EXD1: variants seen among roughly 807,000 people sequenced by gnomAD.
EXD1 encodes the protein piRNA biogenesis protein EXD1.
EXD1 carries 63 observed loss-of-function variants against 49.1 expected under a neutral mutation model. The ratio of observed to expected loss-of-function variants is 1.28; its 90% CI spans 1.05 to 1.58. The LOEUF is 1.58. Among genes scored for constraint, EXD1 ranks in the 40% most tolerant of loss-of-function variants. EXD1 has a pLI of 0.00. For missense variants in EXD1, 748 were observed against 666.0 expected, an observed-to-expected ratio of 1.12 and a Z score of -1.36; for synonymous variants, 234 against 239.2, an observed-to-expected ratio of 0.98 and a Z score of 0.20.
intron 7 of EXD1, among the ~76,000 whole-genome samples, chr15:41,199,999 C>T (rs973534124): frequency 6.6e-6 from 1 of 150,764 alleles, no homozygotes; most frequent in Non-Finnish European, 1.5e-5. Context: ...TGCCTTCTGG[C>T]TTCAAGTGAT....
intron 2 of EXD1, among the ~76,000 whole-genome samples, chr15:41,221,172 G>T (rs751985720): frequency 6.2e-4 from 95 of 152,270 alleles, no homozygotes; most frequent in Admixed American, 8.5e-4. Context: ...CAATTATGGA[G>T]GACTCTGAGG....
intron 7 of EXD1, among the ~76,000 whole-genome samples, chr15:41,201,466 T>C (rs1445791101): frequency 6.6e-5 from 10 of 150,558 alleles, no homozygotes; most frequent in Admixed American, 4.8e-4. Flanking sequence ...ATCAATTTTA[T>C]ATAATTTAAG....
chr15:41,191,713 T>C lies in EXD1; in HGVS notation c.721-128A>G, dbSNP rs1031629428. ...AGGACCCACACGATAGACCATGTCA[T>C]CGGAAAATTTAAAGTTGTTCAGCCA... On this transcript the variant is annotated intron_variant, in intron 9 of 11. Coordinates refer to ENST00000458580, the MANE Select transcript of EXD1 (RefSeq NM_001286441.2). The C allele has an allele frequency of 4.8e-5, 40 of 831,672 alleles. No individual in the cohort carries two copies. In the African/African-American group the frequency reaches 6.8e-4, roughly 14 times the overall value. 51.5% of individuals were successfully genotyped at this position (831,672 alleles called of 1,614,324 possible).
intron 7 of EXD1, among the ~76,000 whole-genome samples, chr15:41,207,709 T>C (rs1050601327): frequency 4.6e-5 from 7 of 151,990 alleles, no homozygotes; most frequent in African/African-American, 1.7e-4. Context: ...GGGGAAAACC[T>C]GTCCATTAAT....
At chr15:41,216,085 C>T in intron 5 of EXD1, among the ~76,000 whole-genome samples, 1 of 151,868 alleles carries the variant, frequency 6.6e-6, no homozygotes, top group Admixed American at 6.6e-5. Flanking sequence ...GGAGGGATAC[C>T]ATATTTCAGA....
intron 5 of EXD1, among the ~76,000 whole-genome samples, 198 bp downstream of exon 5, chr15:41,216,470 A>G (rs900221797): frequency 1.4e-4 from 21 of 152,084 alleles, no homozygotes; most frequent in African/African-American, 4.8e-4. Flanking sequence ...CGTCTCTACT[A>G]AAAATACAAA....
chr15:41,224,715 T>C (rs544085457), intron 2 of EXD1, among the ~76,000 whole-genome samples: 28 of 152,260 alleles, frequency 1.8e-4, no homozygotes, highest in Non-Finnish European at 5.9e-5. Context: ...ACCTAGCATT[T>C]TGGGAGGCCA....
chr15:41,224,460 G>A (rs2047132826), intron 2 of EXD1, among the ~76,000 whole-genome samples: 1 of 152,094 alleles, frequency 6.6e-6, no homozygotes, highest in Non-Finnish European at 1.5e-5. Flanking sequence ...ATGTTTCAAT[G>A]ATGAACTTGA....
In EXD1 at chr15:41,195,783, C is replaced by CA; in HGVS notation, c.711dup (p.Asp238Ter). The CA allele has an allele frequency of 1.2e-6, 2 of 1,612,556 alleles. No homozygotes were observed. The highest frequency in any genetic ancestry group is 1.7e-6 in the Non-Finnish European group (2 of 1,179,474). ...TGCTTCCCTTCATGTACCTGTGTGT[C>CA]AAAGACATTATTCAGCAAAATTCCA... On this transcript the variant is annotated frameshift_variant, in exon 9 of 12. Transcript: ENST00000458580. LOFTEE classifies it high-confidence loss of function.
intron 7 of EXD1, among the ~76,000 whole-genome samples, chr15:41,200,701 G>T (rs889278679): frequency 1.3e-5 from 2 of 152,120 alleles, no homozygotes; most frequent in Non-Finnish European, 2.9e-5. Flanking sequence ...CTGAAGTTGA[G>T]GGCAGTCTTG....
chr15:41,216,946 T>C, intron 4 of EXD1, 151 bp from the exon 5 acceptor site: 1 of 1,320,556 alleles, frequency 7.6e-7, no homozygotes. Context: ...GAGGGCGCTA[T>C]CTAACAATGG....
chr15:41,189,786 T>A (rs1171209503), intron 11 of EXD1, 151 bp downstream of exon 11: 2 of 627,626 alleles, frequency 3.2e-6, no homozygotes, highest in Non-Finnish European at 5.4e-6. Flanking sequence ...AGTGAGGGGA[T>A]GGATCATGCC....
Position 41,191,507 on chromosome 15 carries a change from T to C in EXD1, c.799A>G (p.Ile267Val). 2 of 1,613,994 alleles carry C rather than the reference T, an allele frequency of 1.2e-6. No homozygotes were observed. The highest frequency in any genetic ancestry group is 8.5e-7 in the Non-Finnish European group (1 of 1,179,870). Reference protein sequence around the residue: ...NCITTLQESLIKHLQVAPKYL... With the variant: ...NCITTLQESLVKHLQVAPKYL... Reference sequence around the variant, plus strand: ...TTAGGGGCTACTTGAAGGTGTTTGATTAAACTCTCCTGCAAAGTAGTGATG... The same window carrying C: ...TTAGGGGCTACTTGAAGGTGTTTGACTAAACTCTCCTGCAAAGTAGTGATG... Residue 267 changes from isoleucine to valine, a missense_variant, in exon 10 of 12, where the codon ATC becomes GTC. By Grantham distance (29) the Ile-to-Val change is conservative (BLOSUM62 3). Transcript: ENST00000458580.
intron 11 of EXD1, among the ~76,000 whole-genome samples, chr15:41,184,892 G>A (rs2046384693): frequency 6.6e-6 from 1 of 152,070 alleles, no homozygotes; most frequent in African/African-American, 2.4e-5. Flanking sequence ...TCCTGACCTC[G>A]TGATCCACCT....
chr15:41,185,431 T>C (rs2046393010), intron 11 of EXD1, among the ~76,000 whole-genome samples: 2 of 151,996 alleles, frequency 1.3e-5, no homozygotes, highest in African/African-American at 2.4e-5. Context: ...CTGTAACCTA[T>C]AACACCTGGC....
chr15:41,186,631 G>T (rs1427528502), intron 11 of EXD1, among the ~76,000 whole-genome samples: 2 of 151,858 alleles, frequency 1.3e-5, no homozygotes. Flanking sequence ...ATCTAAGAAT[G>T]ATTTGAAGTA....
chr15:41,204,265 A>T (rs1047105334), intron 7 of EXD1, among the ~76,000 whole-genome samples: 2 of 137,824 alleles, frequency 1.5e-5, no homozygotes, highest in African/African-American at 2.8e-5. Flanking sequence ...AAAAAAAAAA[A>T]ATCAGCCAGG....
In EXD1 at chr15:41,189,913, C is replaced by T. The variant is rs2046478318; in HGVS notation, c.1056+24G>A. On this transcript the variant is annotated intron_variant, in intron 11 of 11. Transcript: ENST00000458580. The stretch of plus-strand genomic sequence containing the variant: ...TCCTTGAGAAGGCAGAAAGGAGGTC[C>T]TGAAGACAGAGAGCTGCACCTACCT... 3 of 1,608,580 alleles carry T rather than the reference C, an allele frequency of 1.9e-6. No individual in the cohort carries two copies. In the South Asian group the frequency reaches 3.3e-5, roughly 18 times the overall value.
At chr15:41,214,588 C>G (rs929785487) in intron 6 of EXD1, among the ~76,000 whole-genome samples, 13 of 152,014 alleles carry the variant, frequency 8.6e-5, no homozygotes, top group Non-Finnish European at 1.9e-4. Flanking sequence ...TTTACAATGT[C>G]TAGAAAGCCC....
Sources: gnomAD v4.1 joint callset for allele counts (sites outside exome capture counted in the v4.1 genomes callset) on GRCh38, gnomAD v4.1.1 for gene constraint, MANE v1.5 for transcripts, NCBI Gene and HGNC (gene_info 2026-07-23, HGNC 2026-07-21) for gene names.